Variants in SH3GL2 observed in about 807,000 individuals in gnomAD.
The protein encoded by SH3GL2 is SH3 domain containing GRB2 like 2, endophilin A1.
In SH3GL2, 24 loss-of-function variants were observed where a neutral mutation model predicts 46.0. The ratio of observed to expected loss-of-function variants is 0.52; its 90% CI spans 0.38 to 0.73. The LOEUF is 0.73. Among genes scored for constraint, SH3GL2 ranks in the 30% least tolerant of loss-of-function variants. The probability of loss-of-function intolerance (pLI) is 0.00; values close to 1 mark genes in which losing one functional copy is unlikely to be tolerated. For synonymous variants in SH3GL2, 196 were observed against 147.1 expected, an observed-to-expected ratio of 1.33 and a Z score of -2.40; for missense variants, 413 against 424.2, an observed-to-expected ratio of 0.97 and a Z score of 0.23.
In SH3GL2 at chr9:17,675,635, A is replaced by C. The variant is rs149975333; in HGVS notation, c.46-71431A>C. Among the ~76,000 whole-genome samples the C allele has an allele frequency of 2.4e-3, 373 of 152,332 alleles. 2 individuals are homozygous for C. Among genetic ancestry groups the C allele is most frequent in the Non-Finnish European group, 3.8e-3 (256 of 68,032 alleles). On this transcript the variant is annotated intron_variant, in intron 1 of 8. Coordinates refer to ENST00000380607, the MANE Select transcript of SH3GL2 (RefSeq NM_003026.5). ...GTATCCAGCACTGTTATTTGTTGTCAGAAATATACTGATAAACATGCTAAT... is the reference window on the plus strand; with the variant it reads ...GTATCCAGCACTGTTATTTGTTGTCCGAAATATACTGATAAACATGCTAAT...
chr9:17,647,460 G>A (rs1819846607), intron 1 of SH3GL2, among the ~76,000 whole-genome samples: 2 of 151,910 alleles, frequency 1.3e-5, no homozygotes, highest in African/African-American at 4.8e-5. Flanking sequence ...GGAAACTGAT[G>A]CTTTAGGAAG....
At chr9:17,580,382 T>C (rs1818255395) in intron 1 of SH3GL2, among the ~76,000 whole-genome samples, 1 of 152,172 alleles carries the variant, frequency 6.6e-6, no homozygotes, top group Non-Finnish European at 1.5e-5. Flanking sequence ...ATGAACCACA[T>C]CCAGAAAAGG....
Position 17,673,145 on chromosome 9 carries a change from T to C in SH3GL2, c.46-73921T>C, listed in dbSNP as rs186392846. On this transcript the variant is annotated intron_variant, in intron 1 of 8. Transcript: ENST00000380607. Reference sequence around the variant, plus strand: ...TCTTAGAGTCTCTCACCTTGACTTTTTTTTTGTTTGTTTGTTTGTTTTTGA... The same window carrying C: ...TCTTAGAGTCTCTCACCTTGACTTTCTTTTTGTTTGTTTGTTTGTTTTTGA... Among the ~76,000 whole-genome samples the C allele has an allele frequency of 2.8e-3, 418 of 151,978 alleles. 2 individuals are homozygous for C. The highest frequency in any genetic ancestry group is 7.8e-3 in the African/African-American group (323 of 41,442).
chr9:17,580,955 C>T (rs1818266573), intron 1 of SH3GL2, among the ~76,000 whole-genome samples: 1 of 152,176 alleles, frequency 6.6e-6, no homozygotes, highest in African/African-American at 2.4e-5. Context: ...TTGAATCCTG[C>T]CTCTGCTGCT....
chr9:17,693,973 G>C (rs1588246937), intron 1 of SH3GL2, among the ~76,000 whole-genome samples: 1 of 152,170 alleles, frequency 6.6e-6, no homozygotes, highest in African/African-American at 2.4e-5. Context: ...TATGTGAAGT[G>C]TACGCTATAT....
intron 1 of SH3GL2, among the ~76,000 whole-genome samples, chr9:17,605,205 C>T (rs1818741476): frequency 6.6e-6 from 1 of 152,034 alleles, no homozygotes; most frequent in Non-Finnish European, 1.5e-5. Flanking sequence ...TCTTGAACAC[C>T]TGGCCTCAAA....
rs552293799 is a variant in SH3GL2 at position 17,796,316 on chromosome 9, C to T, written c.*573C>T. 6.5e-6 allele frequency: 1 copy of T among 152,842 alleles called. No homozygotes were observed. The highest frequency in any genetic ancestry group is 1.9e-4 in the East Asian group (1 of 5,176). The allele number at this position is 152,842 out of a possible 1,614,324, so 9.5% of individuals were successfully genotyped here. The stretch of plus-strand genomic sequence containing the variant: ...TTCTCTGCAAATAGGCATCTCAGCT[C>T]CTCACACTTATGGCTATTTCTGACG... On this transcript the variant is annotated 3_prime_UTR_variant, in exon 9 of 9. Coordinates refer to ENST00000380607, the MANE Select transcript of SH3GL2 (RefSeq NM_003026.5).
chr9:17,664,790 C>G (rs1198371382), intron 1 of SH3GL2, among the ~76,000 whole-genome samples: 1 of 151,692 alleles, frequency 6.6e-6, no homozygotes, highest in Non-Finnish European at 1.5e-5. Flanking sequence ...TATAATCTTT[C>G]TTTCCTAGCC....
Position 17,784,132 on chromosome 9 carries a change from T to A in SH3GL2, c.188-2249T>A, listed in dbSNP as rs145835742. 1.4e-3 allele frequency among the ~76,000 whole-genome samples: 216 copies of A among 152,296 alleles called. 1 individual carries two copies. The highest frequency in any genetic ancestry group is 3.4e-3 in the Middle Eastern group (1 of 294). On this transcript the variant is annotated intron_variant, in intron 3 of 8. Transcript: ENST00000380607. The stretch of plus-strand genomic sequence containing the variant: ...GATATGTGAATTAGTAGGCTTTTTT[T>A]AATCATTTGAAGTAGATAAGCTAGT...
Position 17,681,932 on chromosome 9 carries a change from A to C in SH3GL2, c.46-65134A>C, listed in dbSNP as rs181606800. On this transcript the variant is annotated intron_variant, in intron 1 of 8. Transcript: ENST00000380607. The stretch of plus-strand genomic sequence containing the variant: ...AAAAGAAGACATGTGGCCAACAAAC[A>C]TATGAAAAAAAGCTCAACATCACTG... Among the ~76,000 whole-genome samples, 184 of 152,336 alleles carry C rather than the reference A, an allele frequency of 1.2e-3. 1 individual carries two copies. Among genetic ancestry groups the C allele is most frequent in the African/African-American group, 4.2e-3 (173 of 41,574 alleles).
chr9:17,619,677 C>CAAAA (rs369116747), intron 1 of SH3GL2, among the ~76,000 whole-genome samples: 3,571 of 146,258 alleles, frequency 0.024, 58 homozygotes, highest in African/African-American at 0.045. Context: ...AACTCCATCT[C>CAAAA]AAAAAAAAAA....
intron 8 of SH3GL2, 139 bp downstream of exon 8, chr9:17,793,636 T>C: frequency 1.3e-6 from 1 of 764,784 alleles, no homozygotes. Flanking sequence ...AGTTGTCAGG[T>C]AGAAACTCTG....
intron 1 of SH3GL2, among the ~76,000 whole-genome samples, chr9:17,665,291 C>T (rs1454293017): frequency 1.3e-5 from 2 of 152,128 alleles, no homozygotes; most frequent in Non-Finnish European, 2.9e-5. Context: ...CCAATAATAA[C>T]TTTTGTAGCA....
At chr9:17,711,909 G>T (rs1389703437) in intron 1 of SH3GL2, among the ~76,000 whole-genome samples, 1 of 151,790 alleles carries the variant, frequency 6.6e-6, no homozygotes, top group Admixed American at 6.6e-5. Context: ...CAAAGTGGTT[G>T]TTCTATTTTA....
At chr9:17,652,258 C>T (rs1417512117) in intron 1 of SH3GL2, among the ~76,000 whole-genome samples, 1 of 152,036 alleles carries the variant, frequency 6.6e-6, no homozygotes, top group Non-Finnish European at 1.5e-5. Flanking sequence ...TTCTTCCCTT[C>T]TCATTATACT....
chr9:17,753,757 T>C (rs935616107), intron 2 of SH3GL2, among the ~76,000 whole-genome samples: 2 of 152,254 alleles, frequency 1.3e-5, no homozygotes, highest in African/African-American at 2.4e-5. Context: ...CCCATGCCTA[T>C]GTCCTCAATG....
chr9:17,764,249 A>T (rs933106527), intron 3 of SH3GL2, among the ~76,000 whole-genome samples: 1 of 152,230 alleles, frequency 6.6e-6, no homozygotes, highest in Non-Finnish European at 1.5e-5. Flanking sequence ...AATTTTGTGT[A>T]ATCATTCCAC....
At chr9:17,656,779 A>C (rs1022569771) in intron 1 of SH3GL2, among the ~76,000 whole-genome samples, 24 of 151,082 alleles carry the variant, frequency 1.6e-4, no homozygotes, top group Non-Finnish European at 3.1e-4. Context: ...TCAAAAAAAA[A>C]AAAAAAAACA....
At chr9:17,678,610 T>A (rs541576635) in intron 1 of SH3GL2, among the ~76,000 whole-genome samples, 8 of 152,238 alleles carry the variant, frequency 5.3e-5, no homozygotes, top group Non-Finnish European at 4.4e-5. Flanking sequence ...TATTTTCTTT[T>A]GCTGTGCAGA....
Sources: allele counts gnomAD v4.1 joint callset (sites outside exome capture counted in the v4.1 genomes callset), GRCh38; gene constraint gnomAD v4.1.1; transcripts MANE v1.5; gene names NCBI Gene and HGNC (gene_info 2026-07-23, HGNC 2026-07-21).